RASAL2: variants seen among roughly 807,000 people sequenced by gnomAD.
RASAL2 encodes the protein RAS protein activator like 2.
Under a neutral mutation model 128.9 loss-of-function variants are expected in RASAL2, and 58 were observed. The observed-to-expected ratio is 0.45, with a 90% CI of 0.36 to 0.56. The LOEUF (loss-of-function observed/expected upper bound fraction) is 0.56, where lower values mean the gene tolerates loss of function less well. Ranked by LOEUF, RASAL2 falls within the 20% of genes least tolerant of loss-of-function variation. The probability of loss-of-function intolerance (pLI) is 0.00; values close to 1 mark genes in which losing one functional copy is unlikely to be tolerated. For missense variants in RASAL2, 1,360 were observed against 1,601.6 expected, an observed-to-expected ratio of 0.85 and a Z score of 2.57; for synonymous variants, 561 against 580.8, an observed-to-expected ratio of 0.97 and a Z score of 0.49.
Position 178,237,973 on chromosome 1 carries a change from T to A in RASAL2, c.203-45591T>A, listed in dbSNP as rs374500102. Among the ~76,000 whole-genome samples, 14 of 152,338 alleles carry A rather than the reference T, an allele frequency of 9.2e-5. No individual in the cohort carries two copies. The East Asian group carries it at 1.5e-3, about 17-fold the overall frequency. ...GTACCTCATATAAGTGGAATCATAA[T>A]ATTCTTTTGTACAGTTTATTTTTAG... is the stretch of plus-strand genomic sequence containing the variant. On this transcript the variant is annotated intron_variant, in intron 1 of 17. Coordinates refer to ENST00000367649, the MANE Select transcript of RASAL2 (RefSeq NM_170692.4).
chr1:178,242,373 T>G (rs1293935760), intron 1 of RASAL2, among the ~76,000 whole-genome samples: 3 of 152,114 alleles, frequency 2.0e-5, no homozygotes, highest in Non-Finnish European at 2.9e-5. Context: ...AAGAACTCCC[T>G]TTAGCCATTC....
intron 1 of RASAL2, among the ~76,000 whole-genome samples, chr1:178,181,651 T>C (rs775177242): frequency 6.6e-6 from 1 of 152,196 alleles, no homozygotes; most frequent in Non-Finnish European, 1.5e-5. Context: ...TCATATCTTC[T>C]GAGATCCGAT....
intron 3 of RASAL2, among the ~76,000 whole-genome samples, chr1:178,337,824 C>T (rs912120637): frequency 2.6e-5 from 4 of 151,272 alleles, no homozygotes; most frequent in Non-Finnish European, 5.9e-5. Context: ...CTCCTTCTCC[C>T]GGGTTCAAGC....
intron 1 of RASAL2, among the ~76,000 whole-genome samples, chr1:178,252,108 T>G (rs1419809390): frequency 6.6e-6 from 1 of 152,120 alleles, no homozygotes; most frequent in African/African-American, 2.4e-5. Context: ...GTGGAGGAAA[T>G]TTTTGTTCTA....
At chr1:178,345,548 A>G (rs868682743) in intron 3 of RASAL2, among the ~76,000 whole-genome samples, 1 of 152,168 alleles carries the variant, frequency 6.6e-6, no homozygotes, top group Admixed American at 6.5e-5. Flanking sequence ...GATTAGTAAA[A>G]TGGGTATTCT....
chr1:178,216,440 C>A (rs368257524), intron 1 of RASAL2, among the ~76,000 whole-genome samples: 7 of 152,182 alleles, frequency 4.6e-5, no homozygotes, highest in South Asian at 2.1e-4. Context: ...ATATGTATAA[C>A]TGCAGCCGTA....
rs1252851987 is a variant in RASAL2, at chr1:178,478,635, T to C, written c.*5396T>C. The C allele has an allele frequency of 6.6e-6, 1 of 152,248 alleles. No individual in the cohort carries two copies. The highest frequency in any genetic ancestry group is 1.5e-5 in the Non-Finnish European group (1 of 68,042). 9.4% of individuals were successfully genotyped at this position (152,248 alleles called of 1,614,324 possible). On this transcript the variant is annotated 3_prime_UTR_variant, in exon 18 of 18. Transcript: ENST00000367649. Reference sequence around the variant, plus strand: ...AAAAACAAAACCCAAGATTTTATTTTATTTTTAAAGCCATATTTTTGTGCT... The same window carrying C: ...AAAAACAAAACCCAAGATTTTATTTCATTTTTAAAGCCATATTTTTGTGCT...
chr1:178,421,484 A>G (rs1054863964), intron 5 of RASAL2, among the ~76,000 whole-genome samples: 6 of 151,978 alleles, frequency 3.9e-5, no homozygotes, highest in African/African-American at 7.2e-5. Flanking sequence ...GTAGTCTCTC[A>G]TGTAATACAA....
intron 3 of RASAL2, among the ~76,000 whole-genome samples, chr1:178,355,822 T>C (rs1670773218): frequency 6.6e-6 from 1 of 152,124 alleles, no homozygotes; most frequent in Non-Finnish European, 1.5e-5. Context: ...TATAACCAAA[T>C]GGCTGTATAC....
intron 1 of RASAL2, among the ~76,000 whole-genome samples, chr1:178,139,847 AAGTC>A (rs1437682543): frequency 2.0e-5 from 3 of 152,082 alleles, no homozygotes; most frequent in Non-Finnish European, 2.9e-5. Context: ...TCATGATAAA[AAGTC>A]AGGGTACCTT....
chr1:178,399,296 A>G (rs1366198205), intron 4 of RASAL2, among the ~76,000 whole-genome samples: 2 of 144,090 alleles, frequency 1.4e-5, no homozygotes, highest in East Asian at 4.5e-4. Context: ...GGGCTTGGTA[A>G]GGGTAGTCCT....
At chr1:178,147,216 C>T (rs986510450) in intron 1 of RASAL2, among the ~76,000 whole-genome samples, 1 of 151,912 alleles carries the variant, frequency 6.6e-6, no homozygotes, top group Non-Finnish European at 1.5e-5. Flanking sequence ...TGGCTGGGCG[C>T]GGTAGGTCAT....
intron 4 of RASAL2, among the ~76,000 whole-genome samples, chr1:178,393,167 C>T (rs1243297755): frequency 1.3e-5 from 2 of 152,080 alleles, no homozygotes; most frequent in East Asian, 3.8e-4. Context: ...TTTCCACGGA[C>T]CAGGGTTGGG....
intron 4 of RASAL2, among the ~76,000 whole-genome samples, chr1:178,408,747 T>A (rs1169783674): frequency 6.6e-6 from 1 of 152,082 alleles, no homozygotes; most frequent in African/African-American, 2.4e-5. Flanking sequence ...ATGGGGAAAA[T>A]AAGTTATGTT....
intron 1 of RASAL2, among the ~76,000 whole-genome samples, chr1:178,261,887 G>A (rs549047867): frequency 8.6e-5 from 13 of 151,024 alleles, no homozygotes; most frequent in African/African-American, 3.2e-4. Flanking sequence ...CTGTACTCCA[G>A]CCTGGGTGAC....
intron 1 of RASAL2, among the ~76,000 whole-genome samples, chr1:178,195,618 TAGTA>T (rs1371757747): frequency 3.3e-5 from 5 of 152,270 alleles, no homozygotes; most frequent in Admixed American, 2.6e-4. Context: ...TGTAACTATA[TAGTA>T]AGTATTTGAT....
intron 1 of RASAL2, among the ~76,000 whole-genome samples, chr1:178,097,767 A>G (rs1167703894): frequency 6.6e-6 from 1 of 152,206 alleles, no homozygotes; most frequent in Non-Finnish European, 1.5e-5. Flanking sequence ...ACAATATTTT[A>G]TTAGTTTGCC....
chr1:178,199,918 C>T (rs1051209913), intron 1 of RASAL2, among the ~76,000 whole-genome samples: 2 of 152,118 alleles, frequency 1.3e-5, no homozygotes, highest in African/African-American at 4.8e-5. Context: ...GGCAGAAGAT[C>T]GTGGAGAGAT....
At chr1:178,194,694 A>C (rs1444095054) in intron 1 of RASAL2, 33 of 178,508 alleles carry the variant, frequency 1.8e-4, no homozygotes, top group Admixed American at 1.7e-3. Context: ...CTAGCAGTCT[A>C]TTTGGTTTGG....
Sources: gnomAD v4.1 joint callset for allele counts (sites outside exome capture counted in the v4.1 genomes callset) on GRCh38, gnomAD v4.1.1 for gene constraint, MANE v1.5 for transcripts, NCBI Gene and HGNC (gene_info 2026-07-23, HGNC 2026-07-21) for gene names.